CPNE8: variants seen among roughly 807,000 people sequenced by gnomAD.
CPNE8 encodes copine 8.
In CPNE8, 45 loss-of-function variants were observed where a neutral mutation model predicts 81.5. That is an observed-to-expected ratio of 0.55 (90% confidence interval 0.44 to 0.71). CPNE8 has a LOEUF of 0.71. Among genes scored for constraint, CPNE8 ranks in the 30% least tolerant of loss-of-function variants. CPNE8 has a pLI of 0.00. For synonymous variants in CPNE8, 252 were observed against 226.3 expected, an observed-to-expected ratio of 1.11 and a Z score of -1.02; for missense variants, 594 against 672.1, an observed-to-expected ratio of 0.88 and a Z score of 1.28.
intron 10 of CPNE8, among the ~76,000 whole-genome samples, chr12:38,741,836 A>C (rs1014747232): frequency 6.6e-6 from 1 of 151,478 alleles, no homozygotes; most frequent in African/African-American, 2.4e-5. Context: ...GAAAAAAAAC[A>C]AACAACCCCA....
At chr12:38,786,521 A>G (rs574102303) in intron 6 of CPNE8, among the ~76,000 whole-genome samples, 2 of 152,188 alleles carry the variant, frequency 1.3e-5, no homozygotes, top group South Asian at 4.1e-4. Flanking sequence ...TCAGTTTTGG[A>G]ACTTGGACTG....
In CPNE8 at chr12:38,877,942, C is replaced by T. The variant is rs114929310; in HGVS notation, c.99-3431G>A. Among the ~76,000 whole-genome samples the T allele has an allele frequency of 5.1e-3, 775 of 152,280 alleles. 7 individuals carry two copies. Among genetic ancestry groups the T allele is most frequent in the African/African-American group, 0.018 (745 of 41,548 alleles). The stretch of plus-strand genomic sequence containing the variant: ...CAAGATGCAGGTCATAAAGACCCTT[C>T]TGATAAAACAGGTTGCAGTAAAGAA... On this transcript the variant is annotated intron_variant, in intron 1 of 19. Coordinates refer to ENST00000331366, the MANE Select transcript of CPNE8 (RefSeq NM_153634.3).
chr12:38,827,665 T>C (rs1943220579), intron 6 of CPNE8, among the ~76,000 whole-genome samples: 1 of 152,212 alleles, frequency 6.6e-6, no homozygotes, highest in Non-Finnish European at 1.5e-5. Context: ...TTTTAACCTT[T>C]GTAGCAACAG....
intron 6 of CPNE8, among the ~76,000 whole-genome samples, chr12:38,790,548 G>C (rs1942296911): frequency 6.6e-6 from 1 of 151,720 alleles, no homozygotes; most frequent in East Asian, 1.9e-4. Flanking sequence ...AGCACAGCAG[G>C]ATGACTCTAG....
At position 38,695,809 on chromosome 12, in the gene CPNE8, T is replaced by C. The variant is rs368233178; in HGVS notation, c.962-1971A>G. On this transcript the variant is annotated intron_variant, in intron 14 of 19. Transcript: ENST00000331366. Reference sequence around the variant, plus strand: ...CAAAAATCAGCTGGGTGTGGTGGCATGTGCCTGTAGTCTCAGCTGCTCAGG... The same window carrying C: ...CAAAAATCAGCTGGGTGTGGTGGCACGTGCCTGTAGTCTCAGCTGCTCAGG... Among the ~76,000 whole-genome samples the C allele has an allele frequency of 2.2e-4, 34 of 152,118 alleles. No homozygotes were observed. In the East Asian group the frequency reaches 5.8e-3, roughly 26 times the overall value.
intron 19 of CPNE8, among the ~76,000 whole-genome samples, chr12:38,664,957 T>TA (rs946056384): frequency 1.3e-5 from 2 of 151,860 alleles, no homozygotes; most frequent in Non-Finnish European, 2.9e-5. Context: ...GGAGTAGGAT[T>TA]AAAAAAAAGT....
chr12:38,695,665 C>G (rs140308175), intron 14 of CPNE8, among the ~76,000 whole-genome samples: 13 of 152,170 alleles, frequency 8.5e-5, no homozygotes, highest in Middle Eastern at 3.4e-3. Context: ...GGTTATTTAA[C>G]ACAACTCTCA....
intron 1 of CPNE8, among the ~76,000 whole-genome samples, chr12:38,878,772 T>C (rs912419294): frequency 6.6e-6 from 1 of 152,174 alleles, no homozygotes; most frequent in Non-Finnish European, 1.5e-5. Flanking sequence ...TCAAAGCAAA[T>C]CTGCAAGTAT....
chr12:38,755,801 G>A (rs1223651131), intron 10 of CPNE8, among the ~76,000 whole-genome samples: 1 of 152,022 alleles, frequency 6.6e-6, no homozygotes, highest in African/African-American at 2.4e-5. Flanking sequence ...AGCACTTTGG[G>A]AGGCCGAGGC....
rs1392976480 is a variant in CPNE8, at chr12:38,776,218, C to G, written c.471+20G>C. 5.0e-6 allele frequency: 7 copies of G among 1,405,466 alleles called. No individual in the cohort carries two copies. Among genetic ancestry groups the G allele is most frequent in the Non-Finnish European group, 6.9e-6 (7 of 1,019,916 alleles). The allele number at this position is 1,405,466 out of a possible 1,614,324, so 87.1% of individuals were successfully genotyped here. A position where few individuals can be genotyped will look rare whatever the true frequency, so the allele number is the denominator to read the frequency against. On this transcript the variant is annotated intron_variant, in intron 7 of 19. Coordinates refer to ENST00000331366, the MANE Select transcript of CPNE8 (RefSeq NM_153634.3). Reference sequence around the variant, plus strand: ...TTGAAGTATGGAAGTATTTTCTAAACCAAAGAAATATTTACTTACCCTGCA... The same window carrying G: ...TTGAAGTATGGAAGTATTTTCTAAAGCAAAGAAATATTTACTTACCCTGCA...
chr12:38,739,705 G>A (rs114674444), intron 10 of CPNE8, among the ~76,000 whole-genome samples: 3,062 of 151,986 alleles, frequency 0.02, 95 homozygotes, highest in African/African-American at 0.069. Flanking sequence ...ATTAATTAGC[G>A]GATACCAAAA....
At chr12:38,860,145 C>T (rs546305806) in intron 3 of CPNE8, among the ~76,000 whole-genome samples, 2 of 151,742 alleles carry the variant, frequency 1.3e-5, no homozygotes, top group African/African-American at 4.8e-5. Context: ...ATTTGTGTAC[C>T]ATCTGATGAG....
chr12:38,748,426 T>C lies in CPNE8; in HGVS notation c.722+12421A>G, dbSNP rs111711583. Among the ~76,000 whole-genome samples, 908 of 152,306 alleles carry C rather than the reference T, an allele frequency of 6.0e-3. 13 individuals carry two copies. The highest frequency in any genetic ancestry group is 0.021 in the African/African-American group (865 of 41,550). On this transcript the variant is annotated intron_variant, in intron 10 of 19. Transcript: ENST00000331366. ...AGTTGAACATTTTTACCACAAGCCT[T>C]TTTCAGTTTTCCAATATTACCTTAG...
chr12:38,742,124 T>G (rs1021100454), intron 10 of CPNE8, among the ~76,000 whole-genome samples: 2 of 152,082 alleles, frequency 1.3e-5, no homozygotes, highest in Admixed American at 1.3e-4. Context: ...GGCGATTCCT[T>G]AGGGATCTAG....
chr12:38,693,256 C>T (rs980038923), intron 15 of CPNE8, among the ~76,000 whole-genome samples: 2 of 152,134 alleles, frequency 1.3e-5, no homozygotes, highest in African/African-American at 4.8e-5. Context: ...CATCTCTAGC[C>T]ATTCAAGTCA....
chr12:38,772,313 A>T (rs1177638034), intron 7 of CPNE8, among the ~76,000 whole-genome samples: 2 of 152,164 alleles, frequency 1.3e-5, no homozygotes, highest in African/African-American at 4.8e-5. Context: ...TTTTATTGCA[A>T]CACAAAATGG....
chr12:38,905,691 G>C (rs1417548662), upstream of CPNE8: 7 of 1,459,140 alleles, frequency 4.8e-6, no homozygotes, highest in South Asian at 1.4e-5. Context: ...GGAGGAGGCG[G>C]ACCTCCGCGC....
chr12:38,832,084 A>G (rs73274726), intron 5 of CPNE8, among the ~76,000 whole-genome samples: 2,151 of 152,266 alleles, frequency 0.014, 48 homozygotes, highest in African/African-American at 0.047. Flanking sequence ...AAAAGCTATG[A>G]CGTGAATCTG....
At position 38,902,393 on chromosome 12, in the gene CPNE8, GAGAAAGAA is replaced by G. The variant is rs1295439144; in HGVS notation, c.98+3036_98+3043del. 9.1e-5 allele frequency among the ~76,000 whole-genome samples: 5 copies of G among 54,676 alleles called. 1 individual carries two copies. In the East Asian group the frequency reaches 3.3e-3, roughly 36 times the overall value. 35.9% of individuals were successfully genotyped at this position (54,676 alleles called of 152,430 possible). On this transcript the variant is annotated intron_variant, in intron 1 of 19. Coordinates refer to ENST00000331366, the MANE Select transcript of CPNE8 (RefSeq NM_153634.3). Reference sequence around the variant, plus strand: ...GAAAGAAAGAAAGAAAAGAAAGAAAGAGAAAGAAAGAAAGAAAGAAAGAAAAAGAAAGA... The same window carrying G: ...GAAAGAAAGAAAGAAAAGAAAGAAAGAGAAAGAAAGAAAGAAAAAGAAAGA...
Sources: allele counts gnomAD v4.1 joint callset (sites outside exome capture counted in the v4.1 genomes callset), GRCh38; gene constraint gnomAD v4.1.1; transcripts MANE v1.5; gene names NCBI Gene and HGNC (gene_info 2026-07-23, HGNC 2026-07-21).